Variants in FMNL2 observed in about 807,000 individuals in gnomAD.
FMNL2 encodes the protein formin like 2, also known as formin-like protein 2.
A neutral mutation model predicts 130.2 loss-of-function variants in FMNL2; 51 were observed. That is an observed-to-expected ratio of 0.39 (90% CI 0.31 to 0.49). The LOEUF (loss-of-function observed/expected upper bound fraction) is 0.49, where lower values mean the gene tolerates loss of function less well. Among genes scored for constraint, FMNL2 ranks in the 20% least tolerant of loss-of-function variants. FMNL2 has a pLI of 0.85. For missense variants in FMNL2, 977 were observed against 1,316.2 expected (o/e 0.74, Z 3.99); for synonymous variants, 465 against 467.1 (o/e 1.00, Z 0.06).
At chr2:152,496,132 T>A (rs1691508897) in intron 1 of FMNL2, among the ~76,000 whole-genome samples, 1 of 152,198 alleles carries the variant, frequency 6.6e-6, no homozygotes, top group African/African-American at 2.4e-5. Context: ...CACAATACTA[T>A]TAATCATTGT....
At chr2:152,585,397 C>T (rs1697008860) in intron 9 of FMNL2, among the ~76,000 whole-genome samples, 1 of 151,884 alleles carries the variant, frequency 6.6e-6, no homozygotes, top group South Asian at 2.1e-4. Context: ...GACTACCAAA[C>T]AGAAAAAAAT....
chr2:152,450,913 G>T (rs988097970), intron 1 of FMNL2, among the ~76,000 whole-genome samples: 2 of 152,220 alleles, frequency 1.3e-5, no homozygotes, highest in Non-Finnish European at 2.9e-5. Flanking sequence ...GGTGGATTTT[G>T]AAGGTTCTTC....
intron 2 of FMNL2, among the ~76,000 whole-genome samples, chr2:152,533,332 T>G (rs1199488213): frequency 6.6e-6 from 1 of 152,210 alleles, no homozygotes; most frequent in Non-Finnish European, 1.5e-5. Context: ...TGTATTTATC[T>G]AACTTTACCT....
At position 152,335,518 on chromosome 2, in the gene FMNL2, C is replaced by T. The variant is rs1681347659; in HGVS notation, c.-86C>T. 18 of 1,075,864 alleles carry T rather than the reference C, an allele frequency of 1.7e-5. No individual in the cohort carries two copies. Among genetic ancestry groups the T allele is most frequent in the Non-Finnish European group, 2.2e-5 (17 of 774,726 alleles). The allele number at this position is 1,075,864 out of a possible 1,614,324, so 66.6% of individuals were successfully genotyped here. A position where few individuals can be genotyped will look rare whatever the true frequency, so the allele number is the denominator to read the frequency against. Reference sequence around the variant, plus strand: ...GAGCCGGGCAGGTCGCGCCTGCGGGCGGCAGCCGACCGCCGGGAGCTGTTC... The same window carrying T: ...GAGCCGGGCAGGTCGCGCCTGCGGGTGGCAGCCGACCGCCGGGAGCTGTTC... On this transcript the variant is annotated 5_prime_UTR_variant, in exon 1 of 26. Coordinates refer to ENST00000288670, the MANE Select transcript of FMNL2 (RefSeq NM_052905.4).
intron 1 of FMNL2, among the ~76,000 whole-genome samples, chr2:152,428,828 T>C (rs1300267128): frequency 6.6e-6 from 1 of 152,180 alleles, no homozygotes; most frequent in Non-Finnish European, 1.5e-5. Context: ...TGTTTCTAGT[T>C]ATAATATGTC....
intron 20 of FMNL2, among the ~76,000 whole-genome samples, chr2:152,630,422 C>T (rs1682080779): frequency 6.6e-6 from 1 of 152,150 alleles, no homozygotes; most frequent in African/African-American, 2.4e-5. Context: ...TTTTTTCAAA[C>T]TGCTTTTTGT....
intron 1 of FMNL2, among the ~76,000 whole-genome samples, chr2:152,337,524 A>G (rs1188520966): frequency 2.7e-5 from 4 of 148,946 alleles, no homozygotes; most frequent in Non-Finnish European, 3.0e-5. Flanking sequence ...CTAGGATAGC[A>G]TTTTTTTTTG....
intron 9 of FMNL2, among the ~76,000 whole-genome samples, chr2:152,594,792 G>A (rs78683497): frequency 0.012 from 1,762 of 152,234 alleles, 18 homozygotes; most frequent in Non-Finnish European, 0.019. Flanking sequence ...GGTATATGTG[G>A]CTACTGCCCA....
At chr2:152,508,635 A>G (rs2105350650) in intron 1 of FMNL2, among the ~76,000 whole-genome samples, 1 of 152,290 alleles carries the variant, frequency 6.6e-6, no homozygotes, top group Admixed American at 6.5e-5. Context: ...TCAATGTGGT[A>G]TTTTGGCATT....
At chr2:152,343,071 C>G (rs1681903071) in intron 1 of FMNL2, among the ~76,000 whole-genome samples, 1 of 152,108 alleles carries the variant, frequency 6.6e-6, no homozygotes, top group South Asian at 2.1e-4. Context: ...CTTGTTTAGC[C>G]TGTAATTGAC....
intron 9 of FMNL2, among the ~76,000 whole-genome samples, chr2:152,591,024 T>TTTTTTTTTTTTG (rs1558989613): frequency 5.3e-5 from 5 of 94,946 alleles, no homozygotes; most frequent in African/African-American, 8.6e-5. Flanking sequence ...TTTTTTTTTT[T>TTTTTTTTTTTTG]GAGACAGCAT....
chr2:152,400,987 C>T (rs1685662916), intron 1 of FMNL2, among the ~76,000 whole-genome samples: 1 of 152,238 alleles, frequency 6.6e-6, no homozygotes, highest in Admixed American at 6.5e-5. Context: ...CTTCATTTGG[C>T]TGCAAGGAGT....
intron 1 of FMNL2, among the ~76,000 whole-genome samples, chr2:152,414,781 T>A (rs1293264949): frequency 6.6e-6 from 1 of 152,200 alleles, no homozygotes; most frequent in Admixed American, 6.5e-5. Flanking sequence ...TTCTTTTGGA[T>A]GAAGATGATT....
chr2:152,394,322 A>G (rs1425790905), intron 1 of FMNL2, among the ~76,000 whole-genome samples: 1 of 152,174 alleles, frequency 6.6e-6, no homozygotes, highest in Non-Finnish European at 1.5e-5. Context: ...TTGGAGGTCT[A>G]AATTTAATTT....
intron 1 of FMNL2, among the ~76,000 whole-genome samples, chr2:152,376,575 C>T (rs1003139298): frequency 1.3e-5 from 2 of 152,176 alleles, no homozygotes; most frequent in Non-Finnish European, 2.9e-5. Flanking sequence ...CACAGCTGTG[C>T]AGTGTGGCCT....
chr2:152,637,533 CCTAA>C (rs753027338), intron 22 of FMNL2, 36 bp from the exon 23 acceptor site: 12 of 1,530,510 alleles, frequency 7.8e-6, no homozygotes, highest in African/African-American at 6.8e-5. Flanking sequence ...AGTTCAAATG[CCTAA>C]CTAATGAAAC....
chr2:152,407,157 C>T (rs1464816072), intron 1 of FMNL2, among the ~76,000 whole-genome samples: 1 of 151,350 alleles, frequency 6.6e-6, no homozygotes, highest in Non-Finnish European at 1.5e-5. Context: ...GTTAAATTAA[C>T]ATCTTAAAGA....
Position 152,499,883 on chromosome 2 carries a change from T to C in FMNL2, c.118-22060T>C, listed in dbSNP as rs560398181. ...GTGCTTTTGGTTTTCCTAATACTGG[T>C]TCATGGAGAAATAAGTTGTACTGTG... On this transcript the variant is annotated intron_variant, in intron 1 of 25. Coordinates refer to ENST00000288670, the MANE Select transcript of FMNL2 (RefSeq NM_052905.4). Among the ~76,000 whole-genome samples the C allele has an allele frequency of 1.5e-3, 233 of 152,280 alleles. 6 individuals carry two copies. The highest frequency in any genetic ancestry group is 1.7e-3 in the Non-Finnish European group (118 of 68,024).
chr2:152,508,461 A>G (rs1046538049), intron 1 of FMNL2, among the ~76,000 whole-genome samples: 15 of 152,236 alleles, frequency 9.9e-5, no homozygotes, highest in African/African-American at 3.1e-4. Flanking sequence ...GTGGGAAGCA[A>G]CATTAGGTAC....
Sources: gnomAD v4.1 joint callset for allele counts (sites outside exome capture counted in the v4.1 genomes callset) on GRCh38, gnomAD v4.1.1 for gene constraint, MANE v1.5 for transcripts, NCBI Gene and HGNC (gene_info 2026-07-23, HGNC 2026-07-21) for gene names.